The following NBAS variants were observed in gnomAD, a reference collection of about 807,000 sequenced individuals.
NBAS encodes NAG/BC035112 fusion.
A neutral mutation model predicts 302.5 loss-of-function variants in NBAS; 219 were observed. That is an observed-to-expected ratio of 0.72 (90% CI 0.65 to 0.81). NBAS has a LOEUF of 0.81. NBAS is among the 30% of genes least tolerant of loss of function. The pLI is 0.00. For missense variants in NBAS, 2,932 were observed against 2,841.6 expected, an observed-to-expected ratio of 1.03 and a Z score of -0.72; for synonymous variants, 1,118 against 1,021.6, an observed-to-expected ratio of 1.09 and a Z score of -1.80.
intron 35 of NBAS, among the ~76,000 whole-genome samples, chr2:15,343,476 A>T (rs78747491): frequency 0.027 from 4,175 of 152,238 alleles, 154 homozygotes; most frequent in African/African-American, 0.084. Context: ...CAGCCCAAAT[A>T]AAATTATTTC....
At chr2:15,343,677 C>A (rs112099058) in intron 35 of NBAS, among the ~76,000 whole-genome samples, 1 of 151,764 alleles carries the variant, frequency 6.6e-6, no homozygotes, top group African/African-American at 2.4e-5. Context: ...CAAGTCTATA[C>A]TTATTTCAAA....
At chr2:15,502,347 A>T (rs1243585596) in intron 11 of NBAS, among the ~76,000 whole-genome samples, 2 of 152,260 alleles carry the variant, frequency 1.3e-5, no homozygotes, top group East Asian at 3.8e-4. Flanking sequence ...CTAAAATTAT[A>T]GTACAGTCAT....
the NBAS span, among the ~76,000 whole-genome samples, chr2:14,784,579 T>C: frequency 1.3e-5 from 2 of 152,228 alleles, no homozygotes; most frequent in Admixed American, 6.5e-5. Flanking sequence ...TAGGGAATCC[T>C]TTCCCCATTG....
chr2:15,240,794 T>G (rs563531597), intron 44 of NBAS, among the ~76,000 whole-genome samples: 47 of 152,276 alleles, frequency 3.1e-4, no homozygotes, highest in Non-Finnish European at 5.9e-4. Context: ...TCTAAGCCAT[T>G]AAAAAAATCA....
intron 9 of NBAS, among the ~76,000 whole-genome samples, chr2:15,518,930 G>A (rs1243055058): frequency 3.3e-5 from 5 of 151,982 alleles, no homozygotes; most frequent in Admixed American, 2.0e-4. Context: ...GGAAAGACTC[G>A]CCCCCATGAT....
At position 15,534,579 on chromosome 2, in the gene NBAS, T is replaced by C. The variant is rs150075998; in HGVS notation, c.710A>G (p.His237Arg). 37 of 1,612,860 alleles carry C rather than the reference T, an allele frequency of 2.3e-5. No individual in the cohort carries two copies. The highest frequency in any genetic ancestry group is 2.7e-5 in the Non-Finnish European group (32 of 1,179,022). ...GTGGTAAATAGCTGTGTTGATTCCATGAGGATAATGACTACTGAAGCTGAA... is the reference window on the plus strand; with the variant it reads ...GTGGTAAATAGCTGTGTTGATTCCACGAGGATAATGACTACTGAAGCTGAA... The part of the protein sequence containing the change: ...HCFSFSSHYP[H>R]GINTAIYHPG... The change falls in exon 9 of 52, where the codon CAT (histidine) becomes CGT (arginine). Residue 237 changes from histidine (H) to arginine (R), a missense_variant. Coordinates refer to ENST00000281513, the MANE Select transcript of NBAS (RefSeq NM_015909.4).
the NBAS span, among the ~76,000 whole-genome samples, chr2:14,976,219 T>C: frequency 6.6e-6 from 1 of 152,302 alleles, no homozygotes; most frequent in South Asian, 2.1e-4. Flanking sequence ...TGCAGGAAGA[T>C]GGAACCTAAG....
At chr2:15,156,665 T>C in the NBAS span, among the ~76,000 whole-genome samples, 2 of 152,158 alleles carry the variant, frequency 1.3e-5, no homozygotes, top group South Asian at 2.1e-4. Flanking sequence ...CACCTCTGAA[T>C]ACCATCATCT....
intron 48 of NBAS, among the ~76,000 whole-genome samples, chr2:15,202,538 T>C (rs945376633): frequency 4.0e-5 from 6 of 151,888 alleles, no homozygotes; most frequent in African/African-American, 1.5e-4. Context: ...ATTTATTTAT[T>C]TATTTATTTA....
At chr2:15,472,582 C>T (rs187872756) in intron 16 of NBAS, among the ~76,000 whole-genome samples, 1 of 152,112 alleles carries the variant, frequency 6.6e-6, no homozygotes, top group Admixed American at 6.5e-5. Flanking sequence ...CTCACTGGCC[C>T]CCCCCAGAAG....
intron 10 of NBAS, among the ~76,000 whole-genome samples, chr2:15,509,006 A>G (rs1380137512): frequency 3.9e-5 from 6 of 152,082 alleles, no homozygotes; most frequent in African/African-American, 1.4e-4. Flanking sequence ...AAACTTCTTC[A>G]GACTCTAAGA....
At chr2:15,092,891 G>T in the NBAS span, among the ~76,000 whole-genome samples, 3 of 152,146 alleles carry the variant, frequency 2.0e-5, no homozygotes, top group Admixed American at 1.3e-4. Flanking sequence ...TCCTTCTGGT[G>T]GTGGAAGAAG....
chr2:15,058,757 C>G, the NBAS span, among the ~76,000 whole-genome samples: 2 of 152,104 alleles, frequency 1.3e-5, no homozygotes, highest in Non-Finnish European at 2.9e-5. Flanking sequence ...CACAACTGGC[C>G]GGGAATCTCC....
the NBAS span, among the ~76,000 whole-genome samples, chr2:15,052,448 G>A: frequency 4.6e-5 from 7 of 152,250 alleles, no homozygotes; most frequent in Middle Eastern, 3.4e-3. Flanking sequence ...AACACTCCAC[G>A]GTATAGGCTG....
intron 45 of NBAS, 99 bp from the exon 46 acceptor site, chr2:15,234,846 T>G (rs1394864518): frequency 8.1e-7 from 1 of 1,237,542 alleles, no homozygotes; most frequent in Non-Finnish European, 1.2e-6. Flanking sequence ...ACCAAATACA[T>G]GAAAAGCAGC....
intron 44 of NBAS, among the ~76,000 whole-genome samples, chr2:15,249,212 A>AC (rs201189928): frequency 0.028 from 4,277 of 152,280 alleles, 204 homozygotes; most frequent in African/African-American, 0.097. Context: ...AATGAAAAAA[A>AC]CCACATGATT....
chr2:15,282,471 T>C (rs944427809), intron 42 of NBAS, among the ~76,000 whole-genome samples: 3 of 152,186 alleles, frequency 2.0e-5, no homozygotes, highest in African/African-American at 7.2e-5. Flanking sequence ...TACCCATTCT[T>C]GCATCTGGGA....
chr2:15,245,597 T>G (rs1668056565), intron 44 of NBAS, among the ~76,000 whole-genome samples: 1 of 138,542 alleles, frequency 7.2e-6, no homozygotes, highest in Non-Finnish European at 1.6e-5. Flanking sequence ...AATGCCTCTC[T>G]GTTGAATGGA....
the NBAS span, among the ~76,000 whole-genome samples, chr2:14,808,372 A>C: frequency 1.3e-4 from 20 of 152,184 alleles, no homozygotes; most frequent in Admixed American, 1.3e-3. Context: ...TCCCCATCCA[A>C]ACCTCATCTT....
Sources: allele counts gnomAD v4.1 joint callset (sites outside exome capture counted in the v4.1 genomes callset), GRCh38; gene constraint gnomAD v4.1.1; transcripts MANE v1.5; gene names NCBI Gene and HGNC (gene_info 2026-07-23, HGNC 2026-07-21).